The following LSP1 variants were observed in gnomAD, a reference collection of about 807,000 sequenced individuals.
The protein encoded by LSP1 is lymphocyte specific protein 1.
A neutral mutation model predicts 49.3 loss-of-function variants in LSP1; 32 were observed. The ratio of observed to expected loss-of-function variants is 0.65; its 90% CI spans 0.49 to 0.87. LSP1 has a LOEUF of 0.87. Ranked by LOEUF, LSP1 falls within the 40% of genes least tolerant of loss-of-function variation. LSP1 has a pLI of 0.00. For missense variants in LSP1, 428 were observed against 442.6 expected (o/e 0.97, Z 0.30); for synonymous variants, 179 against 178.8 (o/e 1.00, Z -0.01).
At chr11:1,853,471 G>C (rs1847411489) in intron 1 of LSP1, among the ~76,000 whole-genome samples, 1 of 152,240 alleles carries the variant, frequency 6.6e-6, no homozygotes, top group Non-Finnish European at 1.5e-5. Context: ...TAAGCCCATG[G>C]TGGATGCCTG....
intron 1 of LSP1, among the ~76,000 whole-genome samples, chr11:1,860,465 A>G (rs1335707389): frequency 1.3e-5 from 2 of 152,224 alleles, no homozygotes; most frequent in Admixed American, 1.3e-4. Context: ...AGAATTATTT[A>G]GTAATTGATG....
chr11:1,890,164 T>A (rs1459893657), intron 10 of LSP1: 1 of 717,032 alleles, frequency 1.4e-6, no homozygotes, highest in Non-Finnish European at 2.6e-6. Flanking sequence ...GCAGCTAGAA[T>A]CCTGCGCTGG....
intron 1 of LSP1, among the ~76,000 whole-genome samples, chr11:1,873,948 C>A (rs368889842): frequency 1.3e-5 from 1 of 78,606 alleles, no homozygotes; most frequent in Non-Finnish European, 2.6e-5. Flanking sequence ...GGAGGGAGGC[C>A]GGCAGAGCAG....
chr11:1,890,436 ATCT>A (rs1315204675), intron 10 of LSP1: 7 of 717,090 alleles, frequency 9.8e-6, no homozygotes, highest in African/African-American at 1.7e-5. Flanking sequence ...GCCTCCCATC[ATCT>A]TCTTCCGGGC....
At chr11:1,857,786 G>A (rs1464697750) in intron 1 of LSP1, among the ~76,000 whole-genome samples, 1 of 152,136 alleles carries the variant, frequency 6.6e-6, no homozygotes, top group East Asian at 1.9e-4. Context: ...ACAGAGTCTC[G>A]CTCTGTTGCC....
chr11:1,883,929 T>C lies in LSP1; in HGVS notation c.499-3T>C. 6.3e-7 allele frequency: 1 copy of C among 1,597,706 alleles called. No homozygotes were observed. The highest frequency in any genetic ancestry group is 8.5e-7 in the Non-Finnish European group (1 of 1,175,318). On this transcript the variant is annotated splice_polypyrimidine_tract_variant and splice_region_variant and intron_variant, in intron 4 of 10. Transcript: ENST00000311604. ...CTTGGGATGTCTGTTTTTTTTTTTCTAGCACCAGAAATGTCAGCAGCCCAG... is the reference window on the plus strand; with the variant it reads ...CTTGGGATGTCTGTTTTTTTTTTTCCAGCACCAGAAATGTCAGCAGCCCAG...
chr11:1,854,905 T>A (rs1330355738), intron 1 of LSP1, among the ~76,000 whole-genome samples: 1 of 152,056 alleles, frequency 6.6e-6, no homozygotes, highest in Non-Finnish European at 1.5e-5. Flanking sequence ...CTCCCAGCTG[T>A]CTCAAATGCC....
intron 3 of LSP1, 44 bp downstream of exon 3, chr11:1,881,640 C>T (rs1354666131): frequency 7.1e-7 from 1 of 1,405,516 alleles, no homozygotes; most frequent in African/African-American, 1.6e-5. Flanking sequence ...GAGCAGGGCT[C>T]CCTCTGGACC....
At position 1,856,252 on chromosome 11, in the gene LSP1, G is replaced by C. The variant is rs551969215; in HGVS notation, c.53+3055G>C. 2.4e-4 allele frequency among the ~76,000 whole-genome samples: 36 copies of C among 152,326 alleles called. No individual in the cohort carries two copies. The South Asian group carries it at 5.8e-3, about 25-fold the overall frequency. ...TGAGCGACCAGGCCGTGTCTCCCAC[G>C]GAAAGAACCATTCACCAGCTACAGG... On this transcript the variant is annotated intron_variant, in intron 1 of 10. Transcript: ENST00000311604.
chr11:1,857,728 G>T (rs1847524837), intron 1 of LSP1, among the ~76,000 whole-genome samples: 1 of 152,132 alleles, frequency 6.6e-6, no homozygotes, highest in Non-Finnish European at 1.5e-5. Context: ...CAGACCAAGC[G>T]TTCACTCCAT....
At chr11:1,858,510 T>G (rs952098668) in intron 1 of LSP1, among the ~76,000 whole-genome samples, 5 of 151,998 alleles carry the variant, frequency 3.3e-5, no homozygotes, top group African/African-American at 1.2e-4. Flanking sequence ...TGGGGGCCAC[T>G]AAAGACCTTC....
chr11:1,877,200 C>T (rs557806634), intron 1 of LSP1, among the ~76,000 whole-genome samples: 61 of 152,226 alleles, frequency 4.0e-4, no homozygotes, highest in African/African-American at 1.4e-3. Flanking sequence ...AGGAGAGCTG[C>T]CCCCCTTTCA....
intron 1 of LSP1, among the ~76,000 whole-genome samples, chr11:1,865,450 T>G (rs1847756081): frequency 6.6e-6 from 1 of 151,914 alleles, no homozygotes; most frequent in Non-Finnish European, 1.5e-5. Flanking sequence ...TTGAGGCCTC[T>G]CTTCCTCCTG....
rs150456040 is a variant in LSP1, at chr11:1,866,561, G to C, written c.53+13364G>C. The stretch of plus-strand genomic sequence containing the variant: ...CACCAGGATCTGCAGTGGGCCCCTG[G>C]CTGGGCACACCTCATCCCAGCCTCC... On this transcript the variant is annotated intron_variant, in intron 1 of 10. Transcript: ENST00000311604. 480 of 1,547,754 alleles carry C rather than the reference G, an allele frequency of 3.1e-4. 1 individual carries two copies. In the African/African-American group the frequency reaches 5.7e-3, roughly 18 times the overall value.
chr11:1,858,343 C>T (rs974951013), intron 1 of LSP1, among the ~76,000 whole-genome samples: 1 of 152,188 alleles, frequency 6.6e-6, no homozygotes, highest in Non-Finnish European at 1.5e-5. Context: ...TCAAAGGCTC[C>T]CAAGAGCACC....
chr11:1,879,598 G>A (rs1191639991), intron 1 of LSP1, among the ~76,000 whole-genome samples: 2 of 152,202 alleles, frequency 1.3e-5, no homozygotes, highest in Non-Finnish European at 2.9e-5. Flanking sequence ...CCTGCCTTTG[G>A]GGTGCAGGAG....
chr11:1,880,553 C>T, intron 2 of LSP1: 1 of 263,274 alleles, frequency 3.8e-6, no homozygotes, highest in Non-Finnish European at 7.2e-6. Context: ...CAGTGACTCA[C>T]AGAGCCACGT....
At chr11:1,854,667 C>T (rs1847443864) in intron 1 of LSP1, among the ~76,000 whole-genome samples, 1 of 152,016 alleles carries the variant, frequency 6.6e-6, no homozygotes, top group Non-Finnish European at 1.5e-5. Context: ...CGTGCCTGTC[C>T]CCAGGGAGAG....
chr11:1,869,266 C>A, intron 1 of LSP1: 1 of 234,142 alleles, frequency 4.3e-6, no homozygotes, highest in Non-Finnish European at 8.7e-6. Flanking sequence ...GCCAGGGATG[C>A]TGGGAGGGGG....
Sources: gnomAD v4.1 joint callset for allele counts (sites outside exome capture counted in the v4.1 genomes callset) on GRCh38, gnomAD v4.1.1 for gene constraint, MANE v1.5 for transcripts, NCBI Gene and HGNC (gene_info 2026-07-23, HGNC 2026-07-21) for gene names.